The following GCA variants were observed in gnomAD, a reference collection of about 807,000 sequenced individuals.
GCA encodes grancalcin.
A neutral mutation model predicts 32.6 loss-of-function variants in GCA; 30 were observed. The observed-to-expected ratio is 0.92, with a 90% confidence interval of 0.69 to 1.25. The LOEUF (loss-of-function observed/expected upper bound fraction) is 1.25, where lower values mean the gene tolerates loss of function less well. Among genes scored for constraint, GCA ranks in the 50% most tolerant of loss-of-function variants. The pLI is 0.00. For synonymous variants in GCA, 102 were observed against 84.6 expected (o/e 1.21, Z -1.13); for missense variants, 291 against 266.8 (o/e 1.09, Z -0.63).
In GCA at chr2:162,361,834, A is replaced by G; in HGVS notation, c.*1591A>G. On this transcript the variant is annotated 3_prime_UTR_variant, in exon 8 of 8. Coordinates refer to ENST00000437150, the MANE Select transcript of GCA (RefSeq NM_012198.5). ...GTTGTAGGAAAAAGCAAATGTGAAA[A>G]CACTAAGTGTCGTTCACATCGAATG... 1 of 983,336 alleles carries G rather than the reference A, an allele frequency of 1.0e-6. No individual in the cohort carries two copies. The highest frequency in any genetic ancestry group is 1.2e-6 in the Non-Finnish European group (1 of 828,170). 60.9% of individuals were successfully genotyped at this position (983,336 alleles called of 1,614,324 possible).
chr2:162,350,624 A>G (rs1011043026), intron 2 of GCA, among the ~76,000 whole-genome samples: 1 of 152,222 alleles, frequency 6.6e-6, no homozygotes, highest in Non-Finnish European at 1.5e-5. Flanking sequence ...AACTTAAAGT[A>G]TATGAACTGG....
upstream of GCA, among the ~76,000 whole-genome samples, chr2:162,343,896 G>C (rs977326809): frequency 1.3e-5 from 2 of 152,148 alleles, no homozygotes; most frequent in African/African-American, 2.4e-5. Flanking sequence ...AGGCTTCTTC[G>C]GGATTTAGAA....
At chr2:162,336,355 A>G (rs1306726700) in intron 1 of GCA, among the ~76,000 whole-genome samples, 1 of 152,252 alleles carries the variant, frequency 6.6e-6, no homozygotes, top group African/African-American at 2.4e-5. Context: ...AATCAAATAC[A>G]TAATTATTTG....
chr2:162,347,010 G>A (rs1284817112), intron 1 of GCA, among the ~76,000 whole-genome samples: 1 of 152,116 alleles, frequency 6.6e-6, no homozygotes, highest in Admixed American at 6.5e-5. Flanking sequence ...CAGAACCACA[G>A]CAGTTTCTTT....
At chr2:162,325,157 AC>A (rs1683830474) in intron 1 of GCA, among the ~76,000 whole-genome samples, 1 of 152,168 alleles carries the variant, frequency 6.6e-6, no homozygotes, top group African/African-American at 2.4e-5. Flanking sequence ...AAGAAATTAA[AC>A]CTCTTATGGG....
intron 1 of GCA, among the ~76,000 whole-genome samples, chr2:162,329,326 G>T (rs1683994739): frequency 6.6e-6 from 1 of 152,112 alleles, no homozygotes; most frequent in Non-Finnish European, 1.5e-5. Context: ...AAGTCTTAAA[G>T]TAAGAGAGTA....
chr2:162,339,992 A>C (rs1028964560), upstream of GCA, among the ~76,000 whole-genome samples: 14 of 152,268 alleles, frequency 9.2e-5, no homozygotes, highest in East Asian at 2.7e-3. Flanking sequence ...CTAAGTCATA[A>C]AACTATTTAT....
At chr2:162,373,739 A>G (rs949026715), downstream of GCA, 3 of 995,360 alleles carry the variant, frequency 3.0e-6, no homozygotes, top group Non-Finnish European at 4.1e-6. Flanking sequence ...AAATTTCAGC[A>G]CTACCAAGAA....
At chr2:162,335,414 CAAAA>C (rs573005587) in intron 1 of GCA, among the ~76,000 whole-genome samples, 2 of 58,288 alleles carry the variant, frequency 3.4e-5, no homozygotes, top group Admixed American at 3.7e-4. Flanking sequence ...GACTCTGTCT[CAAAA>C]AAAAAAAAAA....
At chr2:162,368,568 C>T (rs1576309482) in intron 4 of GCA, among the ~76,000 whole-genome samples, 1 of 151,986 alleles carries the variant, frequency 6.6e-6, no homozygotes, top group East Asian at 1.9e-4. Flanking sequence ...TTTAAAATGA[C>T]ATTTCGATAA....
intron 4 of GCA, 23 bp from the exon 5 acceptor site, chr2:162,356,735 A>T (rs377488107): frequency 1.3e-6 from 2 of 1,565,796 alleles, no homozygotes; most frequent in African/African-American, 2.7e-5. Flanking sequence ...ATCAGAATTT[A>T]TTTTTGTTAA....
chr2:162,328,121 C>T (rs1054754959), intron 1 of GCA, among the ~76,000 whole-genome samples: 30 of 151,274 alleles, frequency 2.0e-4, no homozygotes, highest in African/African-American at 5.6e-4. Context: ...GGAGGGAGTC[C>T]GGACACACCA....
intron 1 of GCA, among the ~76,000 whole-genome samples, chr2:162,332,374 A>G (rs1474563832): frequency 6.8e-6 from 1 of 147,076 alleles, no homozygotes; most frequent in Non-Finnish European, 1.5e-5. Context: ...TATGATATAT[A>G]AATTATATAA....
At position 162,344,383 on chromosome 2, in the gene GCA, G is replaced by A. The variant is rs541163281; in HGVS notation, c.27+108G>A. On this transcript the variant is annotated intron_variant, in intron 1 of 7. Coordinates refer to ENST00000437150, the MANE Select transcript of GCA (RefSeq NM_012198.5). ...CTTGGCTCCTGCTCCCTGCGTCCGC[G>A]CCTGGTACTCGGCGGCGCCGGATTC... 218 of 1,071,680 alleles carry A rather than the reference G, an allele frequency of 2.0e-4. 1 individual carries two copies. In the South Asian group the frequency reaches 2.8e-3, roughly 14 times the overall value. 66.4% of individuals were successfully genotyped at this position (1,071,680 alleles called of 1,614,324 possible).
chr2:162,369,108 C>T (rs1685843867), intron 4 of GCA, among the ~76,000 whole-genome samples: 1 of 152,042 alleles, frequency 6.6e-6, no homozygotes, highest in Non-Finnish European at 1.5e-5. Context: ...GCTACACTGC[C>T]ATTATGATTG....
At chr2:162,341,226 C>T (rs1684429839), upstream of GCA, among the ~76,000 whole-genome samples, 1 of 142,536 alleles carries the variant, frequency 7.0e-6, no homozygotes. Flanking sequence ...AAATAAACTC[C>T]ATTAATGTTG....
chr2:162,327,381 A>G (rs1424920064), intron 1 of GCA, among the ~76,000 whole-genome samples: 2 of 152,172 alleles, frequency 1.3e-5, no homozygotes, highest in African/African-American at 4.8e-5. Context: ...CTCACTTGGT[A>G]AAAAACAGAA....
At chr2:162,374,686 A>C (rs564903120), downstream of GCA, among the ~76,000 whole-genome samples, 14 of 152,278 alleles carry the variant, frequency 9.2e-5, no homozygotes, top group African/African-American at 3.4e-4. Context: ...GAACATAATA[A>C]ACCTGGAAAA....
intron 4 of GCA, among the ~76,000 whole-genome samples, chr2:162,370,602 A>T (rs1002789367): frequency 3.9e-5 from 6 of 152,162 alleles, no homozygotes. Flanking sequence ...TGTTGGAATA[A>T]CTAAACACAA....
Sources: allele counts gnomAD v4.1 joint callset (sites outside exome capture counted in the v4.1 genomes callset), GRCh38; gene constraint gnomAD v4.1.1; transcripts MANE v1.5; gene names NCBI Gene and HGNC (gene_info 2026-07-23, HGNC 2026-07-21).